Variants in ZNF827 observed in about 807,000 individuals in gnomAD.
ZNF827 encodes the protein zinc finger protein 827.
In ZNF827, 13 loss-of-function variants were observed where a neutral mutation model predicts 102.4. That is an observed-to-expected ratio of 0.13 (90% CI 0.08 to 0.20). ZNF827 has a LOEUF of 0.20. ZNF827 is among the 10% of genes least tolerant of loss of function. The pLI is 1.00. For missense variants in ZNF827, 1,103 were observed against 1,344.4 expected (o/e 0.82, Z 2.81); for synonymous variants, 523 against 536.2 (o/e 0.98, Z 0.34).
chr4:145,882,411 A>C (rs913742642), intron 4 of ZNF827, among the ~76,000 whole-genome samples: 1 of 152,206 alleles, frequency 6.6e-6, no homozygotes, highest in Non-Finnish European at 1.5e-5. Flanking sequence ...TTATTTTTGA[A>C]GGACCAAGCA....
chr4:145,894,704 A>G (rs1207669327), intron 2 of ZNF827, among the ~76,000 whole-genome samples: 1 of 152,216 alleles, frequency 6.6e-6, no homozygotes, highest in Non-Finnish European at 1.5e-5. Flanking sequence ...GGGGAGTAAC[A>G]GGAAATGAGG....
intron 1 of ZNF827, among the ~76,000 whole-genome samples, chr4:145,934,266 T>C (rs1754002944): frequency 6.6e-6 from 1 of 152,224 alleles, no homozygotes; most frequent in African/African-American, 2.4e-5. Context: ...TTTTGATTTA[T>C]AGACAGTAAG....
chr4:145,828,090 C>G (rs560110346), intron 7 of ZNF827, among the ~76,000 whole-genome samples: 4 of 152,154 alleles, frequency 2.6e-5, no homozygotes, highest in African/African-American at 7.2e-5. Context: ...CAGGATGAAG[C>G]GGGCTGCATC....
chr4:145,761,109 G>A lies in ZNF827; in HGVS notation c.*507C>T, dbSNP rs1243689882. 16 of 1,289,416 alleles carry A rather than the reference G, an allele frequency of 1.2e-5. No individual in the cohort carries two copies. The East Asian group carries it at 2.2e-4, about 18-fold the overall frequency. 79.9% of individuals were successfully genotyped at this position (1,289,416 alleles called of 1,614,324 possible). ...GAGACAGGAGATTCCGGGAGCTCCC[G>A]ACCACCAGGAGCGGGGCCCCCGGGC... is the stretch of plus-strand genomic sequence containing the variant. On this transcript the variant is annotated 3_prime_UTR_variant, in exon 15 of 15. Coordinates refer to ENST00000508784, the MANE Select transcript of ZNF827 (RefSeq NM_001306215.2). This position sits in a 1 kb window ranked among gnomAD's most constrained non-coding sequence, Gnocchi z 6.8.
At position 145,779,412 on chromosome 4, in the gene ZNF827, C is replaced by T. The variant is rs746428731; in HGVS notation, c.2483G>A (p.Arg828Gln). 32 of 1,613,944 alleles carry T rather than the reference C, an allele frequency of 2.0e-5. No individual in the cohort carries two copies. In the Admixed American group the frequency reaches 2.0e-4, roughly 10 times the overall value. The change falls in exon 9 of 15, where the codon CGA (arginine) becomes CAA (glutamine). Residue 828 changes from arginine to glutamine, a missense_variant. This residue lies in a region of ZNF827 where 242 missense variants were observed against 361.9 expected (regional missense o/e 0.67). Coordinates refer to ENST00000508784, the MANE Select transcript of ZNF827 (RefSeq NM_001306215.2). ...PCDVCGKVFG[R>Q]QQTLSRHLSL... Reference sequence around the variant, plus strand: ...GAGGTGTCGGGACAATGTCTGCTGTCGGCCAAACACTTTCCCACACACGTC... The same window carrying T: ...GAGGTGTCGGGACAATGTCTGCTGTTGGCCAAACACTTTCCCACACACGTC...
chr4:145,880,396 T>C (rs192757538), intron 4 of ZNF827, among the ~76,000 whole-genome samples: 1 of 152,254 alleles, frequency 6.6e-6, no homozygotes, highest in East Asian at 1.9e-4. Flanking sequence ...TTAAACAAAG[T>C]AAAAATAATA....
chr4:145,849,555 C>T lies in ZNF827; in HGVS notation c.1988G>A (p.Ser663Asn), dbSNP rs1337853197. The change falls in exon 6 of 15, where the codon AGC (serine) becomes AAC (asparagine). Residue 663 changes from serine (S) to asparagine (N), a missense_variant. Transcript: ENST00000508784. ...SELLMKLSAE[S>N]YKETQMVKIK... ...CTTCACCATCTGTGTTTCCTTGTAG[C>T]TTTCCGCTGCAAGTAGGTGAATGAA... is the stretch of plus-strand genomic sequence containing the variant. 2 of 1,613,952 alleles carry T rather than the reference C, an allele frequency of 1.2e-6. No individual in the cohort carries two copies. The highest frequency in any genetic ancestry group is 3.3e-5 in the Admixed American group (2 of 60,016).
At chr4:145,787,291 C>T (rs1019381182) in intron 8 of ZNF827, among the ~76,000 whole-genome samples, 14 of 151,958 alleles carry the variant, frequency 9.2e-5, no homozygotes, top group African/African-American at 3.1e-4. Context: ...AGTGACACCC[C>T]GTCTCTACTA....
intron 7 of ZNF827, among the ~76,000 whole-genome samples, chr4:145,842,833 G>A (rs1358004393): frequency 6.6e-6 from 1 of 152,140 alleles, no homozygotes; most frequent in Non-Finnish European, 1.5e-5. Context: ...ATCATGAACC[G>A]TCCTTCTGAA....
chr4:145,773,607 T>C (rs1485289881), intron 11 of ZNF827, among the ~76,000 whole-genome samples: 1 of 152,214 alleles, frequency 6.6e-6, no homozygotes, highest in African/African-American at 2.4e-5. Context: ...CTGGTATCAT[T>C]TGTAACCATC....
At chr4:145,838,123 C>G (rs1745059677) in intron 7 of ZNF827, among the ~76,000 whole-genome samples, 2 of 152,182 alleles carry the variant, frequency 1.3e-5, no homozygotes, top group African/African-American at 4.8e-5. Context: ...CCCAGATGGC[C>G]TGAAGTAACT....
chr4:145,834,406 C>A (rs972322884), intron 7 of ZNF827, among the ~76,000 whole-genome samples: 10 of 152,100 alleles, frequency 6.6e-5, no homozygotes, highest in Non-Finnish European at 1.5e-4. Context: ...TGACCTCTCC[C>A]TTCCTCCCCA....
intron 8 of ZNF827, among the ~76,000 whole-genome samples, chr4:145,812,684 C>T (rs1579262136): frequency 1.3e-5 from 2 of 152,218 alleles, no homozygotes; most frequent in African/African-American, 2.4e-5. Flanking sequence ...CACGCCAACA[C>T]GCCCAGCTAA....
Position 145,763,802 on chromosome 4 carries a change from T to C in ZNF827, c.3231-680A>G, listed in dbSNP as rs1489750913. On this transcript the variant is annotated intron_variant, in intron 13 of 14. Transcript: ENST00000508784. The surrounding 1 kb of genome is among the most constrained non-coding windows in gnomAD (Gnocchi z 4.6). The stretch of plus-strand genomic sequence containing the variant: ...ATAAGCTCTTCCTAGGCATTTCCCA[T>C]CTACTGGTTTCCTTGAATTATAATC... Among the ~76,000 whole-genome samples, 1 of 152,238 alleles carries C rather than the reference T, an allele frequency of 6.6e-6. No individual in the cohort carries two copies. The highest frequency in any genetic ancestry group is 1.5e-5 in the Non-Finnish European group (1 of 68,040).
At chr4:145,913,517 C>G (rs774163240) in intron 1 of ZNF827, among the ~76,000 whole-genome samples, 64 of 151,690 alleles carry the variant, frequency 4.2e-4, no homozygotes, top group Non-Finnish European at 7.2e-4. Flanking sequence ...ATATACTCAT[C>G]CTTACATCCT....
chr4:145,851,774 A>C (rs2126668644), intron 5 of ZNF827, among the ~76,000 whole-genome samples: 1 of 152,296 alleles, frequency 6.6e-6, no homozygotes. Context: ...AGTTCACTGA[A>C]TCAGTCAGTC....
chr4:145,907,364 C>T (rs956091117), intron 1 of ZNF827: 1 of 369,430 alleles, frequency 2.7e-6, no homozygotes, highest in Non-Finnish European at 5.3e-6. Flanking sequence ...TTTCACACTA[C>T]ATCGTGAGAA....
rs367884620 is a variant in ZNF827 at position 145,902,408 on chromosome 4, A to T, written c.851T>A (p.Met284Lys). 7 of 1,614,208 alleles carry T rather than the reference A, an allele frequency of 4.3e-6. No homozygotes were observed. The highest frequency in any genetic ancestry group is 1.7e-6 in the Non-Finnish European group (2 of 1,180,040). The change falls in exon 2 of 15, where the codon ATG becomes AAG. Residue 284 changes from methionine (M) to lysine (K), a missense_variant. By Grantham distance (95) the Met-to-Lys change is moderately conservative. This residue lies in a region of ZNF827 where 441 missense variants were observed against 458.6 expected (regional missense o/e 0.96). Coordinates refer to ENST00000508784, the MANE Select transcript of ZNF827 (RefSeq NM_001306215.2). The surrounding 1 kb of genome is among the most constrained non-coding windows in gnomAD (Gnocchi z 4.3). ...CTTCAGAAGGGCCGCTGAGGAGGTC[A>T]TAGAAGCCAGGGAAAGGAAGGAGCT... ...PASSFLSLAS[M>K]TSSAALLKEV...
chr4:145,929,391 TCTCA>T (rs1391583043), intron 1 of ZNF827, among the ~76,000 whole-genome samples: 4 of 152,102 alleles, frequency 2.6e-5, no homozygotes, highest in Non-Finnish European at 4.4e-5. Context: ...CTAATTTGAG[TCTCA>T]CTCTAAGTGT....
Sources: gnomAD v4.1 joint callset for allele counts (sites outside exome capture counted in the v4.1 genomes callset) on GRCh38, gnomAD v4.1.1 for gene constraint, gnomAD v4.1.1 regional missense constraint, Gnocchi (gnomAD v3.1) non-coding constraint, MANE v1.5 for transcripts, NCBI Gene and HGNC (gene_info 2026-07-23, HGNC 2026-07-21) for gene names.